ABHD17C: variants seen among roughly 807,000 people sequenced by gnomAD.
ABHD17C encodes the protein alpha/beta hydrolase domain-containing protein 17C.
A neutral mutation model predicts 27.9 loss-of-function variants in ABHD17C; 11 were observed. The observed-to-expected ratio is 0.39, with a 90% CI of 0.25 to 0.65. ABHD17C has a LOEUF of 0.65. Ranked by LOEUF, ABHD17C falls within the 30% of genes least tolerant of loss-of-function variation. The pLI is 0.45. For missense variants in ABHD17C, 280 were observed against 470.2 expected (o/e 0.60, Z 3.74); for synonymous variants, 233 against 209.1 (o/e 1.11, Z -0.98).
chr15:80,734,299 A>G lies in ABHD17C; in HGVS notation c.591-15214A>G, dbSNP rs1895096927. Among the ~76,000 whole-genome samples the G allele has an allele frequency of 2.6e-5, 4 of 152,268 alleles. 1 individual carries two copies. In the East Asian group the frequency reaches 7.7e-4, roughly 29 times the overall value. ...CATGTCTGGCCTAGATGTTTTATAT[A>G]AGCCAGCTTGTGCAGTCTGCTCAAA... On this transcript the variant is annotated intron_variant, in intron 1 of 2. Coordinates refer to ENST00000258884, the MANE Select transcript of ABHD17C (RefSeq NM_021214.2).
intron 1 of ABHD17C, among the ~76,000 whole-genome samples, chr15:80,717,353 C>G (rs1489559600): frequency 1.3e-5 from 2 of 149,552 alleles, no homozygotes; most frequent in Admixed American, 1.3e-4. Context: ...AATTTGAGCA[C>G]TTTCATTTTT....
At chr15:80,703,515 G>T (rs920917793) in intron 1 of ABHD17C, 1 of 152,192 alleles carries the variant, frequency 6.6e-6, no homozygotes, top group Non-Finnish European at 1.5e-5. Context: ...TAATGTTTTT[G>T]AATTTGCTTT....
intron 1 of ABHD17C, among the ~76,000 whole-genome samples, chr15:80,731,823 G>C (rs528888016): frequency 1.3e-5 from 2 of 152,320 alleles, no homozygotes; most frequent in South Asian, 2.1e-4. Context: ...TGATGAGCAT[G>C]AGCCAGATTT....
chr15:80,741,983 G>A lies in ABHD17C; in HGVS notation c.591-7530G>A, dbSNP rs75271743. Among the ~76,000 whole-genome samples, 1,126 of 152,258 alleles carry A rather than the reference G, an allele frequency of 7.4e-3. 8 individuals are homozygous for A. Among genetic ancestry groups the A allele is most frequent in the Non-Finnish European group, 0.012 (834 of 68,020 alleles). On this transcript the variant is annotated intron_variant, in intron 1 of 2. Transcript: ENST00000258884. The stretch of plus-strand genomic sequence containing the variant: ...GGAGGGTTCACATCCCAGGTGGGAC[G>A]GAGTGGGACAATGTGAGATTTCATC...
intron 1 of ABHD17C, among the ~76,000 whole-genome samples, chr15:80,745,541 T>C (rs1895270932): frequency 6.6e-6 from 1 of 152,072 alleles, no homozygotes; most frequent in African/African-American, 2.4e-5. Flanking sequence ...CTAATTTTTT[T>C]TATTTTGTGG....
At chr15:80,741,102 T>C (rs1190871944) in intron 1 of ABHD17C, among the ~76,000 whole-genome samples, 1 of 152,158 alleles carries the variant, frequency 6.6e-6, no homozygotes, top group Non-Finnish European at 1.5e-5. Context: ...ATTACTCACC[T>C]TACATATAGC....
intron 1 of ABHD17C, among the ~76,000 whole-genome samples, chr15:80,706,378 A>C (rs1894649291): frequency 2.0e-5 from 3 of 152,212 alleles, no homozygotes; most frequent in Admixed American, 6.5e-5. Context: ...TACGTCAATT[A>C]CTTGCTGAAT....
chr15:80,718,943 G>A (rs1894848876), intron 1 of ABHD17C, among the ~76,000 whole-genome samples: 1 of 152,146 alleles, frequency 6.6e-6, no homozygotes, highest in South Asian at 2.1e-4. Flanking sequence ...GCGACATACA[G>A]GGTAGTAACT....
intron 1 of ABHD17C, among the ~76,000 whole-genome samples, chr15:80,717,378 C>T (rs964035706): frequency 4.6e-5 from 7 of 150,892 alleles, no homozygotes; most frequent in Admixed American, 3.3e-4. Flanking sequence ...ATTTTCCACT[C>T]GTTATAAAAT....
intron 1 of ABHD17C, chr15:80,704,923 G>A (rs2141491211): frequency 6.6e-6 from 1 of 152,342 alleles, no homozygotes; most frequent in South Asian, 2.1e-4. Flanking sequence ...AAAGTGAAAG[G>A]CTATGGAAAA....
intron 1 of ABHD17C, among the ~76,000 whole-genome samples, chr15:80,724,174 CA>C (rs1894939619): frequency 6.6e-6 from 1 of 151,400 alleles, no homozygotes; most frequent in South Asian, 2.1e-4. Context: ...TCCACCTCTA[CA>C]AAAAAAATTA....
intron 1 of ABHD17C, among the ~76,000 whole-genome samples, chr15:80,706,686 G>GT (rs72121627): frequency 1.3e-5 from 2 of 152,204 alleles, no homozygotes; most frequent in Non-Finnish European, 2.9e-5. Flanking sequence ...ATCTCAGACT[G>GT]TTTTTGGAGA....
intron 1 of ABHD17C, among the ~76,000 whole-genome samples, chr15:80,730,830 T>C (rs1019245076): frequency 6.6e-6 from 1 of 152,208 alleles, no homozygotes; most frequent in African/African-American, 2.4e-5. Context: ...TGTAATTGTT[T>C]ATGGTGAAAT....
At chr15:80,717,647 A>G (rs941151734) in intron 1 of ABHD17C, among the ~76,000 whole-genome samples, 3 of 152,178 alleles carry the variant, frequency 2.0e-5, no homozygotes, top group Non-Finnish European at 4.4e-5. Context: ...CGGCCTCCCA[A>G]AGTGCTGGGA....
At chr15:80,726,935 T>A (rs1455603996) in intron 1 of ABHD17C, among the ~76,000 whole-genome samples, 3 of 152,232 alleles carry the variant, frequency 2.0e-5, no homozygotes, top group Non-Finnish European at 2.9e-5. Flanking sequence ...TTTTTACATG[T>A]CTGTAGTTTT....
At chr15:80,711,884 G>T (rs556925171) in intron 1 of ABHD17C, among the ~76,000 whole-genome samples, 1 of 152,156 alleles carries the variant, frequency 6.6e-6, no homozygotes, top group Non-Finnish European at 1.5e-5. Flanking sequence ...CCCTTCATTT[G>T]CAACTCTTTT....
intron 1 of ABHD17C, among the ~76,000 whole-genome samples, chr15:80,742,161 T>C (rs961446398): frequency 1.3e-5 from 2 of 152,200 alleles, no homozygotes; most frequent in Non-Finnish European, 2.9e-5. Context: ...AGAGGAGATT[T>C]TTTTTATGGG....
intron 1 of ABHD17C, among the ~76,000 whole-genome samples, chr15:80,726,769 C>T (rs1233165178): frequency 6.6e-5 from 10 of 152,170 alleles, no homozygotes; most frequent in Admixed American, 6.5e-4. Context: ...TTGTGATCCG[C>T]CCGCCTCAGC....
intron 1 of ABHD17C, among the ~76,000 whole-genome samples, chr15:80,724,822 G>T (rs1381183658): frequency 6.6e-6 from 1 of 152,142 alleles, no homozygotes; most frequent in Non-Finnish European, 1.5e-5. Context: ...TTTTATCAGG[G>T]ATGGAGTTTT....
Sources: allele counts gnomAD v4.1 joint callset (sites outside exome capture counted in the v4.1 genomes callset), GRCh38; gene constraint gnomAD v4.1.1; transcripts MANE v1.5; gene names NCBI Gene and HGNC (gene_info 2026-07-23, HGNC 2026-07-21).